The following MAST4 variants were observed in gnomAD, a reference collection of about 807,000 sequenced individuals.
The protein encoded by MAST4 is microtubule-associated serine/threonine-protein kinase 4.
In MAST4, 89 loss-of-function variants were observed where a neutral mutation model predicts 162.7. The observed-to-expected ratio is 0.55, with a 90% confidence interval of 0.46 to 0.65. The LOEUF (loss-of-function observed/expected upper bound fraction) is 0.65, where lower values mean the gene tolerates loss of function less well. Ranked by LOEUF, MAST4 falls within the 30% of genes least tolerant of loss-of-function variation. The pLI is 0.00. For missense variants in MAST4, 3,153 were observed against 3,374.0 expected, an observed-to-expected ratio of 0.93 and a Z score of 1.62; for synonymous variants, 1,479 against 1,361.1, an observed-to-expected ratio of 1.09 and a Z score of -1.91.
At chr5:67,056,242 A>G (rs536896283) in intron 5 of MAST4, among the ~76,000 whole-genome samples, 2 of 152,224 alleles carry the variant, frequency 1.3e-5, no homozygotes, top group East Asian at 3.9e-4. Context: ...TAATGAGGAT[A>G]CATTACTTCT....
chr5:67,066,754 G>A (rs1180541888), intron 5 of MAST4, among the ~76,000 whole-genome samples: 3 of 152,102 alleles, frequency 2.0e-5, no homozygotes, highest in Non-Finnish European at 2.9e-5. Flanking sequence ...TCTTTCAAGT[G>A]TTGGCCTTTT....
At chr5:66,625,389 C>A (rs1207047492) in intron 1 of MAST4, among the ~76,000 whole-genome samples, 1 of 152,122 alleles carries the variant, frequency 6.6e-6, no homozygotes, top group Non-Finnish European at 1.5e-5. Context: ...GCCTGTTACC[C>A]CCATGACAGG....
At chr5:67,055,875 C>T (rs1758742315) in intron 5 of MAST4, among the ~76,000 whole-genome samples, 1 of 152,022 alleles carries the variant, frequency 6.6e-6, no homozygotes, top group African/African-American at 2.4e-5. Flanking sequence ...AAGAAGTGAA[C>T]ACTACTCAGA....
intron 1 of MAST4, among the ~76,000 whole-genome samples, chr5:66,755,984 G>A (rs948234796): frequency 6.6e-6 from 1 of 152,076 alleles, no homozygotes; most frequent in Non-Finnish European, 1.5e-5. Context: ...ATAGAATTCT[G>A]GTGATTGGCA....
chr5:67,090,289 C>G (rs1375207773), intron 6 of MAST4, 58 bp downstream of exon 6: 4 of 1,307,632 alleles, frequency 3.1e-6, no homozygotes, highest in South Asian at 2.5e-5. Flanking sequence ...CCATTTTCCT[C>G]TCCCTCTCCC....
intron 4 of MAST4, chr5:66,986,346 A>C (rs1426610357): frequency 7.6e-6 from 6 of 789,770 alleles, no homozygotes; most frequent in African/African-American, 3.5e-5. Context: ...GTATGGATCC[A>C]TATGTTGTTA....
intron 4 of MAST4, among the ~76,000 whole-genome samples, chr5:67,017,771 G>A (rs553288735): frequency 1.3e-5 from 2 of 151,598 alleles, no homozygotes; most frequent in Non-Finnish European, 2.9e-5. Context: ...GCTAATTTTC[G>A]TGTTTTTAGT....
Position 67,164,193 on chromosome 5 carries a change from G to C in MAST4, c.5014G>C (p.Glu1672Gln). The part of the protein sequence containing the change: ...EGTEKSSQAK[E>Q]LLRCEKLDSK... ...CACGGAGAAGTCCTCCCAGGCCAAG[G>C]AGCTTCTCCGATGTGAAAAGTTAGA... The change falls in exon 29 of 29, where the codon GAG (glutamate) becomes CAG (glutamine). Residue 1672 changes from glutamate to glutamine, a missense_variant. Coordinates refer to ENST00000403625, the MANE Select transcript of MAST4 (RefSeq NM_001164664.2). This position sits in a 1 kb window ranked among gnomAD's most constrained non-coding sequence, Gnocchi z 5.3. 1 of 1,612,614 alleles carries C rather than the reference G, an allele frequency of 6.2e-7. No homozygotes were observed. Among genetic ancestry groups the C allele is most frequent in the Non-Finnish European group, 8.5e-7 (1 of 1,179,368 alleles).
chr5:67,109,251 G>A (rs1290801716), intron 10 of MAST4, among the ~76,000 whole-genome samples: 1 of 152,056 alleles, frequency 6.6e-6, no homozygotes, highest in Admixed American at 6.5e-5. Flanking sequence ...TATAGGTTGA[G>A]CATTCAAATT....
chr5:67,079,702 T>G (rs1227738170), intron 5 of MAST4, among the ~76,000 whole-genome samples: 1 of 152,266 alleles, frequency 6.6e-6, no homozygotes, highest in East Asian at 1.9e-4. Context: ...TTTTTGGGAC[T>G]CTGTCCCTTC....
In MAST4 at chr5:66,861,447, C is replaced by G. The variant is rs190301068; in HGVS notation, c.643-38504C>G. Among the ~76,000 whole-genome samples the G allele has an allele frequency of 3.9e-4, 59 of 152,292 alleles. 1 individual carries two copies. In the East Asian group the frequency reaches 0.011, roughly 29 times the overall value. On this transcript the variant is annotated intron_variant, in intron 3 of 28. Coordinates refer to ENST00000403625, the MANE Select transcript of MAST4 (RefSeq NM_001164664.2). ...CCTATGGAGGTAGCTGTTATTATCC[C>G]CATTTTACAGATGGGGAAGCTGAGG... is the stretch of plus-strand genomic sequence containing the variant.
intron 3 of MAST4, among the ~76,000 whole-genome samples, chr5:66,826,095 G>A (rs917526384): frequency 2.0e-5 from 3 of 151,954 alleles, no homozygotes; most frequent in Admixed American, 2.0e-4. Flanking sequence ...TATTCCCTCC[G>A]CTAAGCCATT....
At chr5:66,887,901 A>G (rs1446514239) in intron 3 of MAST4, among the ~76,000 whole-genome samples, 1 of 152,134 alleles carries the variant, frequency 6.6e-6, no homozygotes, top group Non-Finnish European at 1.5e-5. Context: ...ATACTTCCAG[A>G]TGATGTTATT....
In MAST4 at chr5:67,166,723, T is replaced by G. The variant is rs1478861289; in HGVS notation, c.7544T>G (p.Met2515Arg). ...CCTGCCGGGGAGGGCCGAACCCACA[T>G]GACAAAGAGTGACTCCCTGCCCTCC... ...AQPAGEGRTH[M>R]TKSDSLPSFR... Residue 2515 changes from methionine to arginine, a missense_variant, in exon 29 of 29, where the codon ATG becomes AGG. By Grantham distance (91) the Met-to-Arg change is moderately conservative. Transcript: ENST00000403625. 1.3e-5 allele frequency: 21 copies of G among 1,588,818 alleles called. No homozygotes were observed. Among genetic ancestry groups the G allele is most frequent in the Non-Finnish European group, 1.7e-5 (20 of 1,167,966 alleles).
chr5:66,976,350 T>G (rs1748146463), intron 4 of MAST4, among the ~76,000 whole-genome samples: 1 of 152,254 alleles, frequency 6.6e-6, no homozygotes, highest in South Asian at 2.1e-4. Context: ...TGATCTGCAC[T>G]GCTGCCACCT....
chr5:66,760,481 C>T (rs531428610), intron 2 of MAST4, among the ~76,000 whole-genome samples: 5 of 152,134 alleles, frequency 3.3e-5, no homozygotes, highest in African/African-American at 4.8e-5. Context: ...TTAACTACTG[C>T]CGTGATCAGG....
intron 13 of MAST4, among the ~76,000 whole-genome samples, chr5:67,120,664 C>G (rs1178320739): frequency 6.6e-6 from 1 of 152,126 alleles, no homozygotes; most frequent in East Asian, 1.9e-4. Context: ...CCGGCCCATT[C>G]TTTTTTGGCT....
At chr5:67,057,195 C>T (rs759905686) in intron 5 of MAST4, among the ~76,000 whole-genome samples, 14 of 152,146 alleles carry the variant, frequency 9.2e-5, no homozygotes, top group Non-Finnish European at 1.3e-4. Flanking sequence ...TGCAGTGCCT[C>T]TTCACCAGCC....
chr5:66,597,090 AG>A, intron 1 of MAST4, 72 bp downstream of exon 1: 1 of 1,329,954 alleles, frequency 7.5e-7, no homozygotes, highest in Non-Finnish European at 9.6e-7. Flanking sequence ...TCCTGCGCAC[AG>A]GCAGTGGGCA....
Sources: allele counts gnomAD v4.1 joint callset (sites outside exome capture counted in the v4.1 genomes callset), GRCh38; gene constraint gnomAD v4.1.1; non-coding constraint Gnocchi (gnomAD v3.1); transcripts MANE v1.5; gene names NCBI Gene and HGNC (gene_info 2026-07-23, HGNC 2026-07-21).